VCF1: variants seen among roughly 807,000 people sequenced by gnomAD.
The protein encoded by VCF1 is protein VCF1.
At chr17:73,207,432 G>C in the VCF1 span, 8 of 744,032 alleles carry the variant, frequency 1.1e-5, no homozygotes, top group Non-Finnish European at 1.4e-5. Flanking sequence ...TGAGCTACTA[G>C]AAGGTGTAAA....
the VCF1 span, among the ~76,000 whole-genome samples, chr17:73,215,330 G>A: frequency 8.5e-5 from 13 of 152,194 alleles, no homozygotes; most frequent in East Asian, 5.8e-4. Flanking sequence ...TGTCACTCAG[G>A]CTGGAGCAGT....
At chr17:73,222,236 T>A in the VCF1 span, among the ~76,000 whole-genome samples, 1 of 150,896 alleles carries the variant, frequency 6.6e-6, no homozygotes, top group Admixed American at 6.6e-5. Flanking sequence ...ATACTTCAAC[T>A]TAAAAAAATA....
the VCF1 span, chr17:73,229,167 C>T: frequency 3.0e-6 from 3 of 985,438 alleles, no homozygotes; most frequent in Non-Finnish European, 3.6e-6. Context: ...TCTCAAGGCA[C>T]CAGAATAATC....
At chr17:73,211,068 A>G in the VCF1 span, among the ~76,000 whole-genome samples, 4 of 152,236 alleles carry the variant, frequency 2.6e-5, no homozygotes, top group African/African-American at 9.6e-5. Flanking sequence ...TTTAAAACTT[A>G]GCCGTTTAAT....
chr17:73,217,696 G>A, the VCF1 span, among the ~76,000 whole-genome samples: 1 of 151,894 alleles, frequency 6.6e-6, no homozygotes, highest in Non-Finnish European at 1.5e-5. Context: ...GCTCATGTCT[G>A]TAATCCTAGC....
At chr17:73,221,104 G>C in the VCF1 span, among the ~76,000 whole-genome samples, 2 of 150,866 alleles carry the variant, frequency 1.3e-5, no homozygotes, top group Admixed American at 6.6e-5. Context: ...TCACCATGTT[G>C]GTCAGGCTGG....
chr17:73,210,760 T>TAA, the VCF1 span, among the ~76,000 whole-genome samples: 83 of 144,680 alleles, frequency 5.7e-4, 1 homozygote, highest in South Asian at 4.0e-3. Context: ...CCTCGTTATT[T>TAA]TTTTTTTTTT....
the VCF1 span, chr17:73,229,179 C>A: frequency 1.0e-6 from 1 of 985,460 alleles, no homozygotes; most frequent in Non-Finnish European, 1.2e-6. Context: ...AGAATAATCT[C>A]TTTGGCCTGT....
At chr17:73,225,861 G>GAAA in the VCF1 span, among the ~76,000 whole-genome samples, 37 of 122,178 alleles carry the variant, frequency 3.0e-4, no homozygotes, top group African/African-American at 1.1e-3. Context: ...AAGCAAATAG[G>GAAA]AAAAAAATAT....
At chr17:73,212,239 T>A in the VCF1 span, among the ~76,000 whole-genome samples, 1 of 152,210 alleles carries the variant, frequency 6.6e-6, no homozygotes, top group Non-Finnish European at 1.5e-5. Flanking sequence ...TATCCCTTTT[T>A]TGACCAAAAA....
At chr17:73,230,372 C>G in the VCF1 span, among the ~76,000 whole-genome samples, 8,246 of 151,590 alleles carry the variant, frequency 0.054, 259 homozygotes, top group Middle Eastern at 0.085. Context: ...CTCTCTGCGG[C>G]TATCCAATCT....
the VCF1 span, chr17:73,212,703 A>G: frequency 1.3e-6 from 2 of 1,595,910 alleles, no homozygotes; most frequent in South Asian, 2.3e-5. Context: ...GTTTCCTCTT[A>G]GTCTGTTTTC....
At chr17:73,214,488 A>G in the VCF1 span, among the ~76,000 whole-genome samples, 1 of 152,250 alleles carries the variant, frequency 6.6e-6, no homozygotes, top group Non-Finnish European at 1.5e-5. Context: ...TAACACTGTC[A>G]GCCACCAAAG....
the VCF1 span, among the ~76,000 whole-genome samples, chr17:73,214,117 C>T: frequency 1.3e-5 from 2 of 152,188 alleles, no homozygotes; most frequent in Admixed American, 1.3e-4. Context: ...TCTAAAGCTG[C>T]TTCAGTTGTA....
the VCF1 span, chr17:73,232,176 C>T: frequency 1.9e-6 from 3 of 1,608,664 alleles, no homozygotes; most frequent in South Asian, 1.1e-5. Flanking sequence ...GGTTGTGTTT[C>T]GGCGGCCGCC....
the VCF1 span, chr17:73,212,623 C>T: frequency 2.1e-6 from 3 of 1,456,832 alleles, no homozygotes; most frequent in Non-Finnish European, 2.8e-6. Flanking sequence ...CCACTTGCAC[C>T]TTGCGAATCA....
the VCF1 span, among the ~76,000 whole-genome samples, chr17:73,229,867 CAAAAAAA>C: frequency 4.9e-3 from 110 of 22,622 alleles, 1 homozygote; most frequent in African/African-American, 7.2e-3. Context: ...GACTCCATCT[CAAAAAAA>C]AAAAAAAAAA....
chr17:73,212,605 T>A, the VCF1 span: 1 of 1,278,732 alleles, frequency 7.8e-7, no homozygotes, highest in South Asian at 1.3e-5. Flanking sequence ...TATAACAATG[T>A]AGAATGGCCA....
chr17:73,209,546 C>T, the VCF1 span: 1 of 1,586,852 alleles, frequency 6.3e-7, no homozygotes, highest in Admixed American at 1.8e-5. Context: ...AGAGGCCGCC[C>T]TCGGTGCTGT....
Sources: gnomAD v4.1 joint callset for allele counts (sites outside exome capture counted in the v4.1 genomes callset) on GRCh38, gnomAD v4.1.1 for gene constraint, MANE v1.5 for transcripts, NCBI Gene and HGNC (gene_info 2026-07-23, HGNC 2026-07-21) for gene names.